The following WDR72 variants were observed in gnomAD, a reference collection of about 807,000 sequenced individuals.
WDR72 encodes WD repeat-containing protein 72.
In WDR72, 120 loss-of-function variants were observed where a neutral mutation model predicts 124.2. That is an observed-to-expected ratio of 0.97 (90% CI 0.83 to 1.12). WDR72 has a LOEUF of 1.12. Ranked by LOEUF, WDR72 falls within the 50% of genes most tolerant of loss-of-function variation. The pLI is 0.00. For synonymous variants in WDR72, 452 were observed against 441.7 expected (o/e 1.02, Z -0.29); for missense variants, 1,387 against 1,278.8 (o/e 1.08, Z -1.29).
At chr15:53,566,920 G>A (rs994891248) in intron 18 of WDR72, among the ~76,000 whole-genome samples, 6 of 151,900 alleles carry the variant, frequency 3.9e-5, no homozygotes, top group Admixed American at 3.3e-4. Context: ...ATAGTCCTGG[G>A]GCAAATAGCT....
At chr15:53,571,618 G>C (rs559350057) in intron 18 of WDR72, among the ~76,000 whole-genome samples, 1 of 152,150 alleles carries the variant, frequency 6.6e-6, no homozygotes, top group South Asian at 2.1e-4. Context: ...TTCATCCATT[G>C]ATGGACACTT....
chr15:53,735,653 A>G (rs572920860), intron 1 of WDR72, among the ~76,000 whole-genome samples: 3 of 152,300 alleles, frequency 2.0e-5, no homozygotes, highest in Non-Finnish European at 4.4e-5. Flanking sequence ...CACTATCAAG[A>G]GTGAACGAGA....
chr15:53,710,803 A>G (rs2017511123), intron 9 of WDR72, 54 bp downstream of exon 9: 2 of 1,403,496 alleles, frequency 1.4e-6, no homozygotes, highest in Non-Finnish European at 2.0e-6. Flanking sequence ...AGCAACACTT[A>G]TCCAAGAAAC....
At chr15:53,675,341 C>CAAAA (rs58306742) in intron 13 of WDR72, among the ~76,000 whole-genome samples, 1 of 126,476 alleles carries the variant, frequency 7.9e-6, no homozygotes, top group Non-Finnish European at 1.8e-5. Flanking sequence ...GACTCTGTCT[C>CAAAA]AAAAAAAAAA....
intron 1 of WDR72, among the ~76,000 whole-genome samples, chr15:53,751,669 A>T (rs1842088401): frequency 6.6e-6 from 1 of 151,988 alleles, no homozygotes. Flanking sequence ...CACAAATCTT[A>T]TACATTTGCT....
chr15:53,697,802 A>T (rs1413250110), intron 13 of WDR72, among the ~76,000 whole-genome samples: 1 of 152,042 alleles, frequency 6.6e-6, no homozygotes, highest in Non-Finnish European at 1.5e-5. Flanking sequence ...TATTAATAGC[A>T]CTTATTATTA....
At chr15:53,636,691 T>A (rs73408287) in intron 14 of WDR72, among the ~76,000 whole-genome samples, 10,396 of 152,210 alleles carry the variant, frequency 0.068, 1,165 homozygotes, top group African/African-American at 0.24. Flanking sequence ...TAGTCATTAA[T>A]CTTTAGAAAA....
At chr15:53,561,626 C>A (rs1401693371) in intron 18 of WDR72, among the ~76,000 whole-genome samples, 1 of 151,642 alleles carries the variant, frequency 6.6e-6, no homozygotes, top group Non-Finnish European at 1.5e-5. Context: ...CAGGCCTCAC[C>A]CCAAAAGAGT....
At chr15:53,644,679 A>G (rs2014978677) in intron 14 of WDR72, among the ~76,000 whole-genome samples, 1 of 152,080 alleles carries the variant, frequency 6.6e-6, no homozygotes, top group Non-Finnish European at 1.5e-5. Context: ...CCAACCATTC[A>G]TTTTCAGATT....
rs182923638 is a variant in WDR72 at position 53,674,425 on chromosome 15, C to T, written c.1766-8657G>A. On this transcript the variant is annotated intron_variant, in intron 13 of 19. Coordinates refer to ENST00000360509, the MANE Select transcript of WDR72 (RefSeq NM_182758.4). ...GCTCAGAAACACATATGGAGATCGA[C>T]CTAGCACCCCCTTTCTATTAAAACC... Among the ~76,000 whole-genome samples, 6 of 152,246 alleles carry T rather than the reference C, an allele frequency of 3.9e-5. No individual in the cohort carries two copies. In the East Asian group the frequency reaches 1.2e-3, roughly 29 times the overall value.
At chr15:53,673,580 A>G (rs1360181405) in intron 13 of WDR72, among the ~76,000 whole-genome samples, 1 of 152,252 alleles carries the variant, frequency 6.6e-6, no homozygotes, top group East Asian at 1.9e-4. Context: ...CAAAGCACAT[A>G]TATTGTAAAC....
intron 14 of WDR72, among the ~76,000 whole-genome samples, chr15:53,663,071 A>G (rs2015660045): frequency 1.3e-5 from 2 of 148,996 alleles, no homozygotes; most frequent in African/African-American, 2.5e-5. Flanking sequence ...ACGATCTCTA[A>G]AAATAAGACC....
chr15:53,738,577 T>G (rs1016637746), intron 1 of WDR72, among the ~76,000 whole-genome samples: 10 of 144,346 alleles, frequency 6.9e-5, no homozygotes, highest in African/African-American at 2.9e-4. Context: ...TCACAAGCCT[T>G]TTTTTTGTTT....
At chr15:53,661,630 A>C (rs1285214522) in intron 14 of WDR72, among the ~76,000 whole-genome samples, 1 of 152,188 alleles carries the variant, frequency 6.6e-6, no homozygotes, top group Non-Finnish European at 1.5e-5. Flanking sequence ...ATCATTGTCT[A>C]ATACAAATAG....
At chr15:53,565,932 G>A (rs774081608) in intron 18 of WDR72, among the ~76,000 whole-genome samples, 7 of 151,894 alleles carry the variant, frequency 4.6e-5, no homozygotes, top group Non-Finnish European at 7.4e-5. Flanking sequence ...CTTTATCTTT[G>A]GAACACTAGA....
chr15:53,646,837 G>A (rs948221901), intron 14 of WDR72, among the ~76,000 whole-genome samples: 6 of 152,068 alleles, frequency 3.9e-5, no homozygotes, highest in African/African-American at 1.4e-4. Context: ...GTAAGGTATG[G>A]CCAAATAGGT....
At chr15:53,665,342 T>C (rs56396864) in intron 14 of WDR72, among the ~76,000 whole-genome samples, 1 of 152,018 alleles carries the variant, frequency 6.6e-6, no homozygotes, top group South Asian at 2.1e-4. Context: ...TAATATAAAA[T>C]TGACTCAATT....
At chr15:53,547,917 C>T (rs542918303) in intron 18 of WDR72, among the ~76,000 whole-genome samples, 2 of 151,874 alleles carry the variant, frequency 1.3e-5, no homozygotes, top group East Asian at 3.9e-4. Context: ...CTCATGGTAG[C>T]AGTAAATGCT....
At chr15:53,527,177 A>G (rs1595730265) in intron 18 of WDR72, among the ~76,000 whole-genome samples, 1 of 152,108 alleles carries the variant, frequency 6.6e-6, no homozygotes, top group African/African-American at 2.4e-5. Context: ...TTCAGGAGAT[A>G]GTATGAGGAA....
Sources: gnomAD v4.1 joint callset for allele counts (sites outside exome capture counted in the v4.1 genomes callset) on GRCh38, gnomAD v4.1.1 for gene constraint, MANE v1.5 for transcripts, NCBI Gene and HGNC (gene_info 2026-07-23, HGNC 2026-07-21) for gene names.